The following MCTP2 variants were observed in gnomAD, a reference collection of about 807,000 sequenced individuals.
MCTP2 encodes the protein multiple C2 and transmembrane domain-containing protein 2.
In MCTP2, 132 loss-of-function variants were observed where a neutral mutation model predicts 111.6. That is an observed-to-expected ratio of 1.18 (90% CI 1.03 to 1.37). MCTP2 has a LOEUF of 1.37. Ranked by LOEUF, MCTP2 falls within the 40% of genes most tolerant of loss-of-function variation. The pLI is 0.00. For synonymous variants in MCTP2, 395 were observed against 387.7 expected (o/e 1.02, Z -0.22); for missense variants, 1,183 against 1,067.9 (o/e 1.11, Z -1.50).
intron 4 of MCTP2, among the ~76,000 whole-genome samples, chr15:94,316,325 C>T (rs1328852074): frequency 6.6e-6 from 1 of 152,094 alleles, no homozygotes; most frequent in Non-Finnish European, 1.5e-5. Flanking sequence ...TGTCTTTGCA[C>T]TATAAATGAT....
At chr15:94,332,637 A>C (rs551888972) in intron 4 of MCTP2, among the ~76,000 whole-genome samples, 1 of 151,220 alleles carries the variant, frequency 6.6e-6, no homozygotes, top group East Asian at 1.9e-4. Flanking sequence ...TATGGTGATA[A>C]TTTCCTTTCA....
Position 94,440,250 on chromosome 15 carries a change from T to A in MCTP2, c.2160T>A (p.Asn720Lys). 1 of 1,614,136 alleles carries A rather than the reference T, an allele frequency of 6.2e-7. No individual in the cohort carries two copies. The highest frequency in any genetic ancestry group is 8.5e-7 in the Non-Finnish European group (1 of 1,179,992). The change falls in exon 18 of 23, where the codon AAT (asparagine) becomes AAA (lysine). Residue 720 changes from asparagine (N) to lysine (K), a missense_variant. Physicochemically the swap from Asn to Lys is moderately conservative, Grantham distance 94. Coordinates refer to ENST00000357742, the MANE Select transcript of MCTP2 (RefSeq NM_001385001.1). ...PLALLLIFVY[N>K]FIRPVKGKVS... ...CATTGTTGCTGATCTTTGTCTACAATTTCATCAGACCTGTGAAAGGCAAGG... is the reference window on the plus strand; with the variant it reads ...CATTGTTGCTGATCTTTGTCTACAAATTCATCAGACCTGTGAAAGGCAAGG...
chr15:94,315,460 A>G, intron 3 of MCTP2, 69 bp from the exon 4 acceptor site: 1 of 1,138,080 alleles, frequency 8.8e-7, no homozygotes, highest in African/African-American at 1.5e-5. Context: ...CAAAATCGAG[A>G]AGTATTTCTG....
chr15:94,325,866 C>G (rs1369613311), intron 4 of MCTP2, among the ~76,000 whole-genome samples: 2 of 124,336 alleles, frequency 1.6e-5, no homozygotes, highest in Admixed American at 2.0e-4. Context: ...TGTTGCCAGG[C>G]TGGAGTACAG....
At chr15:94,274,725 T>C (rs1436058700) in intron 1 of MCTP2, among the ~76,000 whole-genome samples, 1 of 152,158 alleles carries the variant, frequency 6.6e-6, no homozygotes, top group Non-Finnish European at 1.5e-5. Context: ...AAATTTATTA[T>C]TAAAAATCTT....
At chr15:94,420,453 T>A (rs1473330030) in intron 17 of MCTP2, among the ~76,000 whole-genome samples, 3 of 152,156 alleles carry the variant, frequency 2.0e-5, no homozygotes, top group Non-Finnish European at 2.9e-5. Context: ...AATAAGAACC[T>A]TCTTGAAAGG....
At chr15:94,287,994 C>A (rs1373881979) in intron 1 of MCTP2, among the ~76,000 whole-genome samples, 1 of 152,144 alleles carries the variant, frequency 6.6e-6, no homozygotes, top group Admixed American at 6.5e-5. Flanking sequence ...GCCCCGGCTC[C>A]CCAACAGTCT....
chr15:94,272,191 G>T (rs1331448933), intron 1 of MCTP2, among the ~76,000 whole-genome samples: 3 of 152,030 alleles, frequency 2.0e-5, no homozygotes, highest in Non-Finnish European at 2.9e-5. Context: ...TCTTATATTT[G>T]TATGTAATGG....
At chr15:94,467,404 T>TATAATAAAAGTAA (rs1449873748) in intron 20 of MCTP2, among the ~76,000 whole-genome samples, 7 of 152,302 alleles carry the variant, frequency 4.6e-5, no homozygotes, top group East Asian at 3.9e-4. Context: ...CTGATATAGT[T>TATAATAAAAGTAA]GTTACTTACT....
At chr15:94,355,134 C>A (rs1303582121) in intron 8 of MCTP2, among the ~76,000 whole-genome samples, 1 of 152,182 alleles carries the variant, frequency 6.6e-6, no homozygotes, top group Non-Finnish European at 1.5e-5. Flanking sequence ...TTGAGACCAT[C>A]AGGGAAATGT....
chr15:94,304,213 G>C (rs1171428406), intron 2 of MCTP2, among the ~76,000 whole-genome samples: 2 of 152,170 alleles, frequency 1.3e-5, no homozygotes, highest in Non-Finnish European at 2.9e-5. Flanking sequence ...AGGCTAACAT[G>C]GGTGGATCAC....
intron 1 of MCTP2, among the ~76,000 whole-genome samples, chr15:94,243,088 T>TACACGTGTATATGTGTATCTACACATAC (rs377437703): frequency 2.8e-5 from 1 of 35,454 alleles, no homozygotes; most frequent in African/African-American, 1.1e-4. Context: ...TCTACACATA[T>TACACGTGTATATGTGTATCTACACATAC]ACGTGTATAT....
At chr15:94,339,206 T>G in intron 4 of MCTP2, 84 bp from the exon 5 acceptor site, 1 of 985,902 alleles carries the variant, frequency 1.0e-6, no homozygotes, top group Non-Finnish European at 1.5e-6. Context: ...GCCTGGGGAG[T>G]GGGGAAAGGA....
At position 94,328,362 on chromosome 15, in the gene MCTP2, T is replaced by A. The variant is rs553969956; in HGVS notation, c.638-10928T>A. ...CCAGGATGGTCTTGATCTCCTGACC[T>A]CGTGATCCACCCGCCTTGGCCTCCC... On this transcript the variant is annotated intron_variant, in intron 4 of 22. Transcript: ENST00000357742. Among the ~76,000 whole-genome samples the A allele has an allele frequency of 2.1e-4, 32 of 152,174 alleles. No homozygotes were observed. In the South Asian group the frequency reaches 6.0e-3, roughly 29 times the overall value.
chr15:94,451,679 G>A (rs2084472636), intron 19 of MCTP2, among the ~76,000 whole-genome samples: 1 of 152,172 alleles, frequency 6.6e-6, no homozygotes, highest in Admixed American at 6.5e-5. Flanking sequence ...ATGTAATGTT[G>A]TGTTTGCTAA....
At chr15:94,345,077 T>C in intron 7 of MCTP2, 52 bp from the exon 8 acceptor site, 2 of 1,593,238 alleles carry the variant, frequency 1.3e-6, no homozygotes, top group Non-Finnish European at 1.7e-6. Flanking sequence ...TGATTCTATC[T>C]TCCTCTGTTT....
intron 1 of MCTP2, among the ~76,000 whole-genome samples, chr15:94,244,118 ATATACACATG>A (rs2152240346): frequency 6.9e-6 from 1 of 144,886 alleles, no homozygotes; most frequent in African/African-American, 2.6e-5. Context: ...GTATATGTTT[ATATACACATG>A]TATACACATG....
intron 21 of MCTP2, among the ~76,000 whole-genome samples, chr15:94,475,687 T>G (rs1478658245): frequency 6.6e-6 from 1 of 152,104 alleles, no homozygotes. Flanking sequence ...CTTCTAAAAC[T>G]CAACATGAAA....
At chr15:94,281,922 G>A (rs1022592237) in intron 1 of MCTP2, among the ~76,000 whole-genome samples, 11 of 151,878 alleles carry the variant, frequency 7.2e-5, no homozygotes, top group African/African-American at 2.4e-4. Flanking sequence ...TTGCCTGATG[G>A]GATTCCCTTT....
Sources: gnomAD v4.1 joint callset for allele counts (sites outside exome capture counted in the v4.1 genomes callset) on GRCh38, gnomAD v4.1.1 for gene constraint, MANE v1.5 for transcripts, NCBI Gene and HGNC (gene_info 2026-07-23, HGNC 2026-07-21) for gene names.